FAM200B: variants seen among roughly 807,000 people sequenced by gnomAD.
FAM200B encodes the protein zinc finger BED-type containing 11, also known as protein FAM200B.
FAM200B carries 32 observed loss-of-function variants against 33.1 expected under a neutral mutation model. That is an observed-to-expected ratio of 0.97 (90% CI 0.73 to 1.30). The LOEUF is 1.30. Among genes scored for constraint, FAM200B ranks in the 50% most tolerant of loss-of-function variants. The pLI, the probability that FAM200B is intolerant of heterozygous loss-of-function variation, is 0.00. For missense variants in FAM200B, 741 were observed against 754.0 expected (o/e 0.98, Z 0.20); for synonymous variants, 240 against 264.8 (o/e 0.91, Z 0.91).
At chr4:15,656,284 C>T in the FAM200B span, 51 of 456,108 alleles carry the variant, frequency 1.1e-4, 1 homozygote, top group African/African-American at 5.2e-4. Context: ...CACAGACCTC[C>T]TGGAGACTCT....
chr4:15,645,066 C>T, the FAM200B span, among the ~76,000 whole-genome samples: 1 of 151,832 alleles, frequency 6.6e-6, no homozygotes, highest in African/African-American at 2.4e-5. Flanking sequence ...AAGAGGGAAA[C>T]TTGATTAGGT....
intron 1 of FAM200B, among the ~76,000 whole-genome samples, chr4:15,685,579 A>G (rs1425765271): frequency 6.6e-6 from 1 of 152,130 alleles, no homozygotes; most frequent in Non-Finnish European, 1.5e-5. Context: ...GTTAGTTTGC[A>G]TAGGAATTAG....
At chr4:15,676,119 C>G in the FAM200B span, among the ~76,000 whole-genome samples, 2 of 152,178 alleles carry the variant, frequency 1.3e-5, no homozygotes, top group African/African-American at 4.8e-5. Flanking sequence ...GATATGACTA[C>G]AGAGCAACCC....
At chr4:15,674,698 G>A in the FAM200B span, among the ~76,000 whole-genome samples, 1 of 150,334 alleles carries the variant, frequency 6.7e-6, no homozygotes, top group African/African-American at 2.4e-5. Context: ...CGCCCAGGCT[G>A]GAGTGCAGTG....
chr4:15,642,264 C>T, the FAM200B span, among the ~76,000 whole-genome samples: 3 of 143,848 alleles, frequency 2.1e-5, no homozygotes, highest in African/African-American at 7.8e-5. Context: ...TTTTTTAAGA[C>T]AAGCCTTGCT....
the FAM200B span, among the ~76,000 whole-genome samples, chr4:15,638,199 T>C: frequency 1.3e-5 from 2 of 152,204 alleles, no homozygotes; most frequent in Non-Finnish European, 2.9e-5. Context: ...TTTTGACTGA[T>C]CGATTTTGAG....
the FAM200B span, among the ~76,000 whole-genome samples, chr4:15,658,705 T>C: frequency 6.6e-6 from 1 of 152,364 alleles, no homozygotes; most frequent in South Asian, 2.1e-4. Flanking sequence ...TTTTTCTTTA[T>C]AAATTACCCA....
At chr4:15,664,807 C>T in the FAM200B span, among the ~76,000 whole-genome samples, 1 of 152,052 alleles carries the variant, frequency 6.6e-6, no homozygotes, top group Non-Finnish European at 1.5e-5. Flanking sequence ...GATCTGCCCA[C>T]CTTGGCCTCC....
the FAM200B span, chr4:15,638,467 C>T: frequency 2.1e-6 from 3 of 1,444,958 alleles, no homozygotes; most frequent in East Asian, 2.4e-5. Context: ...TGTCAATGAC[C>T]TTACAACTAA....
At position 15,687,309 on chromosome 4, in the gene FAM200B, A is replaced by G. The variant is rs1190270966; in HGVS notation, c.332A>G (p.His111Arg). The G allele has an allele frequency of 2.6e-6, 4 of 1,546,280 alleles. No homozygotes were observed. The highest frequency in any genetic ancestry group is 3.5e-6 in the Non-Finnish European group (4 of 1,143,780). Residue 111 changes from histidine to arginine, a missense_variant, in exon 2 of 2, where the codon CAT becomes CGT. His to Arg is a conservative substitution (Grantham distance 29). Coordinates refer to ENST00000422728, the MANE Select transcript of FAM200B (RefSeq NM_001145191.2). ...TTAAAAAGGCACTTAGAAACTCAGC[A>G]TGCTGAACTTATTGATAAGCCTCTT... ...SKLKRHLETQ[H>R]AELIDKPLEY...
the FAM200B span, among the ~76,000 whole-genome samples, chr4:15,654,919 G>A: frequency 6.6e-6 from 1 of 152,042 alleles, no homozygotes; most frequent in Non-Finnish European, 1.5e-5. Context: ...CCCGAGGGCG[G>A]CCAGTGACGC....
chr4:15,646,897 G>T, the FAM200B span, among the ~76,000 whole-genome samples: 3 of 151,892 alleles, frequency 2.0e-5, no homozygotes, highest in African/African-American at 7.3e-5. Context: ...CAGCCTCCGT[G>T]GGGATGCAGA....
rs1374553746 is a variant in FAM200B at position 15,688,936 on chromosome 4, A to G, written c.1959A>G (p.Gln653=). 6.7e-7 allele frequency: 1 copy of G among 1,497,106 alleles called. No individual in the cohort carries two copies. Among genetic ancestry groups the G allele is most frequent in the African/African-American group, 1.4e-5 (1 of 71,432 alleles). The allele number at this position is 1,497,106 out of a possible 1,614,324, so 92.7% of individuals were successfully genotyped here. A position where few individuals can be genotyped will look rare whatever the true frequency, so the allele number is the denominator to read the frequency against. ...ACTGGAATGAACTTATGAACAGGCA[A>G]GCACACCCATCATAGTAAATAAAAA... is the stretch of plus-strand genomic sequence containing the variant. ...VPDWNELMNR[Q]AHPS The change falls in exon 2 of 2, where the codon CAA becomes CAG. Residue 653 remains glutamine (Q), a synonymous_variant. Transcript: ENST00000422728.
chr4:15,644,893 C>T, the FAM200B span, among the ~76,000 whole-genome samples: 1 of 151,996 alleles, frequency 6.6e-6, no homozygotes, highest in African/African-American at 2.4e-5. Flanking sequence ...TGCACTAGGC[C>T]AGGAAGATGT....
the FAM200B span, among the ~76,000 whole-genome samples, chr4:15,657,882 C>T: frequency 6.6e-6 from 1 of 152,166 alleles, no homozygotes. Context: ...CTCTGTGAGA[C>T]CTTTTTGGAT....
the FAM200B span, among the ~76,000 whole-genome samples, chr4:15,652,795 G>A: frequency 1.3e-5 from 2 of 152,128 alleles, no homozygotes; most frequent in Non-Finnish European, 2.9e-5. Context: ...TGGGCATTCA[G>A]AGCCCAAATT....
chr4:15,655,249 G>A, the FAM200B span: 3 of 1,444,780 alleles, frequency 2.1e-6, no homozygotes, highest in Non-Finnish European at 1.9e-6. Flanking sequence ...GCCAGTGTGG[G>A]GCGGTGAAGA....
intron 1 of FAM200B, among the ~76,000 whole-genome samples, chr4:15,685,716 C>T (rs1167522514): frequency 6.6e-6 from 1 of 152,012 alleles, no homozygotes; most frequent in Non-Finnish European, 1.5e-5. Context: ...AGTATTAACA[C>T]AGTTAAGACG....
the FAM200B span, chr4:15,640,903 T>C: frequency 4.8e-6 from 6 of 1,253,826 alleles, no homozygotes; most frequent in South Asian, 6.2e-5. Context: ...AAAAAAAAAA[T>C]ACATTTTTAT....
Sources: gnomAD v4.1 joint callset for allele counts (sites outside exome capture counted in the v4.1 genomes callset) on GRCh38, gnomAD v4.1.1 for gene constraint, MANE v1.5 for transcripts, NCBI Gene and HGNC (gene_info 2026-07-23, HGNC 2026-07-21) for gene names.